The following MEIS2 variants were observed in gnomAD, a reference collection of about 807,000 sequenced individuals.
MEIS2 encodes the protein Meis homeobox 2.
MEIS2 carries 9 observed loss-of-function variants against 58.6 expected under a neutral mutation model. The observed-to-expected ratio is 0.15, with a 90% CI of 0.09 to 0.27. MEIS2 has a LOEUF of 0.27. Among genes scored for constraint, MEIS2 ranks in the 10% least tolerant of loss-of-function variants. The pLI is 1.00. For synonymous variants in MEIS2, 221 were observed against 228.4 expected (o/e 0.97, Z 0.29); for missense variants, 427 against 635.0 (o/e 0.67, Z 3.52).
At chr15:37,034,646 C>T (rs1306615740) in intron 8 of MEIS2, among the ~76,000 whole-genome samples, 1 of 152,290 alleles carries the variant, frequency 6.6e-6, no homozygotes, top group Non-Finnish European at 1.5e-5. Flanking sequence ...CTGACACTCC[C>T]ATGTGAGATT....
chr15:36,895,115 C>T, intron 11 of MEIS2, 36 bp downstream of exon 11: 1 of 1,569,846 alleles, frequency 6.4e-7, no homozygotes, highest in Non-Finnish European at 8.7e-7. Context: ...GGTGGCACTT[C>T]CCAGGGAAGC....
At position 37,098,175 on chromosome 15, in the gene MEIS2, C is replaced by T. The variant is rs1894549677; in HGVS notation, c.37G>A (p.Gly13Arg). The T allele has an allele frequency of 1.2e-6, 2 of 1,606,120 alleles. No homozygotes were observed. The highest frequency in any genetic ancestry group is 1.7e-6 in the Non-Finnish European group (2 of 1,175,248). ...QRYDELPHYGGMDGVGVPASM... is the reference protein window; with the variant it reads ...QRYDELPHYGRMDGVGVPASM... ...GCGGGAACCCCTACTCCGTCCATCC[C>T]GCCGTAATGGGGCAGCTCATCGTAC... The change falls in exon 2 of 12, where the codon GGG becomes AGG. Residue 13 changes from glycine to arginine, a missense_variant. Around this residue, in one of 6 missense-constraint regions of MEIS2, gnomAD observed 103 missense variants for 111.8 expected, o/e 0.92. Transcript: ENST00000561208.
At chr15:37,094,729 G>T in intron 4 of MEIS2, 152 bp from the exon 5 acceptor site, 1 of 620,514 alleles carries the variant, frequency 1.6e-6, no homozygotes, top group Non-Finnish European at 2.9e-6. Context: ...TCAAGAAATA[G>T]TCAGAAAAAT....
chr15:37,095,559 C>G lies in MEIS2; in HGVS notation c.438+5G>C, dbSNP rs766948443. The G allele has an allele frequency of 2.5e-6, 4 of 1,614,052 alleles. No homozygotes were observed. The African/African-American group carries it at 5.3e-5, about 22-fold the overall frequency. The stretch of plus-strand genomic sequence containing the variant: ...TGGGGAAAAACAAGGAACAGAGAGC[C>G]TTACCAAATTGTCCAGCTCTGGATT... On this transcript the variant is annotated splice_donor_5th_base_variant and intron_variant, in intron 4 of 11. Coordinates refer to ENST00000561208, the MANE Select transcript of MEIS2 (RefSeq NM_170675.5).
At chr15:37,031,844 TG>T (rs2061941461) in intron 8 of MEIS2, among the ~76,000 whole-genome samples, 5 of 151,808 alleles carry the variant, frequency 3.3e-5, no homozygotes, top group South Asian at 2.1e-4. Context: ...TGTGTGTGTG[TG>T]TGTGTGTGTG....
At chr15:36,954,470 T>C (rs1595800087) in intron 8 of MEIS2, among the ~76,000 whole-genome samples, 1 of 148,040 alleles carries the variant, frequency 6.8e-6, no homozygotes, top group East Asian at 1.9e-4. Context: ...TATATAATTA[T>C]ATAAATTAAT....
intron 8 of MEIS2, among the ~76,000 whole-genome samples, chr15:37,008,158 T>C (rs929428665): frequency 1.1e-4 from 16 of 152,242 alleles, no homozygotes; most frequent in Non-Finnish European, 1.6e-4. Context: ...TTATTTTTAG[T>C]TTAATCACCA....
At chr15:36,893,218 T>G (rs2055978290) in intron 11 of MEIS2, among the ~76,000 whole-genome samples, 2 of 152,222 alleles carry the variant, frequency 1.3e-5, no homozygotes, top group Non-Finnish European at 2.9e-5. Flanking sequence ...GGATTCTGAT[T>G]TCTCTTACAA....
intron 7 of MEIS2, among the ~76,000 whole-genome samples, chr15:37,083,115 T>A (rs1173058762): frequency 6.6e-6 from 1 of 152,004 alleles, no homozygotes; most frequent in Non-Finnish European, 1.5e-5. Context: ...AATAGGTGAG[T>A]TTTAAATAGT....
At chr15:36,977,773 G>T (rs996935869) in intron 8 of MEIS2, among the ~76,000 whole-genome samples, 1 of 152,174 alleles carries the variant, frequency 6.6e-6, no homozygotes, top group Non-Finnish European at 1.5e-5. Flanking sequence ...AAGGCTGGTT[G>T]ATCTTTATCT....
chr15:37,085,529 A>C (rs1469312034), intron 6 of MEIS2, among the ~76,000 whole-genome samples: 2 of 152,214 alleles, frequency 1.3e-5, no homozygotes, highest in African/African-American at 4.8e-5. Context: ...AATATTTGGC[A>C]TTTTTGATAG....
chr15:37,093,761 C>T, intron 5 of MEIS2, 31 bp from the exon 6 acceptor site: 2 of 1,607,762 alleles, frequency 1.2e-6, no homozygotes, highest in Non-Finnish European at 1.7e-6. Flanking sequence ...GAGGGTTTAG[C>T]TCATGTTGTT....
At chr15:37,018,553 T>A (rs1369334834) in intron 8 of MEIS2, among the ~76,000 whole-genome samples, 1 of 152,150 alleles carries the variant, frequency 6.6e-6, no homozygotes, top group Non-Finnish European at 1.5e-5. Flanking sequence ...TATAACTGAG[T>A]TATGAGAACA....
rs141621160 is a variant in MEIS2 at position 36,955,378 on chromosome 15, G to A, written c.901-4978C>T. Among the ~76,000 whole-genome samples the A allele has an allele frequency of 2.2e-4, 33 of 152,008 alleles. No individual in the cohort carries two copies. In the East Asian group the frequency reaches 6.4e-3, roughly 29 times the overall value. On this transcript the variant is annotated intron_variant, in intron 8 of 11. Coordinates refer to ENST00000561208, the MANE Select transcript of MEIS2 (RefSeq NM_170675.5). ...TCTCTGTTAAGTATAACTTCCTCAAGGTAAAGCCTTGGGATTTTTAACTTT... is the reference window on the plus strand; with the variant it reads ...TCTCTGTTAAGTATAACTTCCTCAAAGTAAAGCCTTGGGATTTTTAACTTT...
intron 7 of MEIS2, among the ~76,000 whole-genome samples, chr15:37,065,265 T>C (rs888198862): frequency 6.6e-6 from 1 of 152,180 alleles, no homozygotes; most frequent in Non-Finnish European, 1.5e-5. Flanking sequence ...CTTTTGACAC[T>C]ACTATAGGCA....
intron 8 of MEIS2, among the ~76,000 whole-genome samples, chr15:36,987,407 CA>C (rs71126250): frequency 0.37 from 42,176 of 114,306 alleles, 6,318 homozygotes; most frequent in African/African-American, 0.4. Context: ...GACCCTGTCT[CA>C]AAAAAAAAAA....
At chr15:36,951,102 A>T (rs1280477700) in intron 8 of MEIS2, among the ~76,000 whole-genome samples, 4 of 152,168 alleles carry the variant, frequency 2.6e-5, no homozygotes, top group African/African-American at 9.7e-5. Context: ...CAACTACAAC[A>T]ATAAGAGAAT....
At chr15:37,090,085 G>A (rs4477645) in intron 6 of MEIS2, among the ~76,000 whole-genome samples, 19,635 of 152,014 alleles carry the variant, frequency 0.13, 1,348 homozygotes, top group African/African-American at 0.14. Flanking sequence ...GGAAAACAGA[G>A]TTCTATTTCC....
At chr15:37,094,809 A>G (rs1048139254) in intron 4 of MEIS2, among the ~76,000 whole-genome samples, 1 of 152,098 alleles carries the variant, frequency 6.6e-6, no homozygotes, top group African/African-American at 2.4e-5. Context: ...GAGCATAAGC[A>G]TTAATATCTT....
Sources: allele counts gnomAD v4.1 joint callset (sites outside exome capture counted in the v4.1 genomes callset), GRCh38; gene constraint gnomAD v4.1.1; regional missense constraint gnomAD v4.1.1; transcripts MANE v1.5; gene names NCBI Gene and HGNC (gene_info 2026-07-23, HGNC 2026-07-21).